The following TSR1 variants were observed in gnomAD, a reference collection of about 807,000 sequenced individuals.
TSR1 encodes TSR1 ribosome maturation factor.
A neutral mutation model predicts 90.9 loss-of-function variants in TSR1; 81 were observed. The observed-to-expected ratio is 0.89, with a 90% CI of 0.74 to 1.07. The LOEUF is 1.07. Ranked by LOEUF, TSR1 falls within the 50% of genes least tolerant of loss-of-function variation. The pLI is 0.00. For missense variants in TSR1, 989 were observed against 987.3 expected (o/e 1.00, Z -0.02); for synonymous variants, 362 against 348.8 (o/e 1.04, Z -0.42).
chr17:2,335,727 G>C lies in TSR1; in HGVS notation c.205C>G (p.Leu69Val), dbSNP rs758510384. The C allele has an allele frequency of 6.2e-7, 1 of 1,612,472 alleles. No individual in the cohort carries two copies. The highest frequency in any genetic ancestry group is 1.3e-5 in the African/African-American group (1 of 74,998). ...CCACCCAGCTGTCTCTTCTCTGCCAGAACCTGAAAATAGAAAGATATCCGA... is the reference window on the plus strand; with the variant it reads ...CCACCCAGCTGTCTCTTCTCTGCCACAACCTGAAAATAGAAAGATATCCGA... ...QLRKQKKEAVLAEKRQLGGKD... is the reference protein window; with the variant it reads ...QLRKQKKEAVVAEKRQLGGKD... Residue 69 changes from leucine (L) to valine (V), a missense_variant, in exon 3 of 15, where the codon CTG becomes GTG. Physicochemically the swap from Leu to Val is conservative, Grantham distance 32. Transcript: ENST00000301364.
At position 2,335,626 on chromosome 17, in the gene TSR1, C is replaced by T. The variant is rs755066590; in HGVS notation, c.306G>A (p.Leu102=). The change falls in exon 3 of 15, where the codon CTG becomes CTA. Residue 102 remains leucine (L), a synonymous_variant. Transcript: ENST00000301364. ...CTGTTCCAGTGTCCCTATCTTGAAG[C>T]AGCTGCATGGCCTCTGGCAGGGAAA... is the stretch of plus-strand genomic sequence containing the variant. ...SRISLPEAMQ[L]LQDRDTGTVH... is the part of the protein sequence containing the mutation. 1 of 1,614,070 alleles carries T rather than the reference C, an allele frequency of 6.2e-7. No homozygotes were observed. The highest frequency in any genetic ancestry group is 8.5e-7 in the Non-Finnish European group (1 of 1,180,036).
intron 10 of TSR1, 43 bp downstream of exon 10, chr17:2,330,472 A>C (rs769321235): frequency 6.4e-7 from 1 of 1,570,910 alleles, no homozygotes; most frequent in Non-Finnish European, 8.8e-7. Context: ...AAGCAGCTGG[A>C]AAGTTTCACA....
chr17:2,328,322 G>A (rs904128834), intron 11 of TSR1, among the ~76,000 whole-genome samples: 7 of 151,508 alleles, frequency 4.6e-5, no homozygotes, highest in Admixed American at 1.3e-4. Flanking sequence ...CGAGGTGGGC[G>A]GATCACCTGA....
chr17:2,328,869 T>C (rs1220919262), intron 11 of TSR1: 2 of 180,046 alleles, frequency 1.1e-5, no homozygotes, highest in Non-Finnish European at 2.0e-5. Context: ...GCAGTGAGCC[T>C]AGATCGCGCC....
chr17:2,325,758 AC>A (rs1567782036), intron 11 of TSR1, among the ~76,000 whole-genome samples: 3 of 151,790 alleles, frequency 2.0e-5, no homozygotes, highest in Non-Finnish European at 4.4e-5. Context: ...GATTACAGGC[AC>A]ATGCCACCAC....
rs2064035848 is a variant in TSR1, at chr17:2,334,725, T to C, written c.728A>G (p.His243Arg). ...LRQLANQKQQHLAFRDRRAYL... is the reference protein window; with the variant it reads ...LRQLANQKQQRLAFRDRRAYL... ...GGCCCGCCGATCTCGAAAAGCAAGA[T>C]GCTGTTGCTTCTGGTTAGCCAACTG... Residue 243 changes from histidine to arginine, a missense_variant, in exon 5 of 15, where the codon CAT becomes CGT. Transcript: ENST00000301364. The C allele has an allele frequency of 6.2e-7, 1 of 1,614,114 alleles. No individual in the cohort carries two copies. The highest frequency in any genetic ancestry group is 8.5e-7 in the Non-Finnish European group (1 of 1,180,048).
At position 2,324,589 on chromosome 17, in the gene TSR1, A is replaced by C; in HGVS notation, c.2162-11T>G. Reference sequence around the variant, plus strand: ...ACCACAGCACATCCTCTTAGAATCAAACACATTAAAGACCAAGATGAAACA... The same window carrying C: ...ACCACAGCACATCCTCTTAGAATCACACACATTAAAGACCAAGATGAAACA... On this transcript the variant is annotated splice_polypyrimidine_tract_variant and intron_variant, in intron 13 of 14. Transcript: ENST00000301364. The C allele has an allele frequency of 6.2e-7, 1 of 1,614,132 alleles. No homozygotes were observed. The highest frequency in any genetic ancestry group is 2.2e-5 in the East Asian group (1 of 44,882).
intron 7 of TSR1, among the ~76,000 whole-genome samples, 195 bp downstream of exon 7, chr17:2,332,766 G>A (rs1212966639): frequency 3.3e-5 from 5 of 152,040 alleles, no homozygotes; most frequent in Non-Finnish European, 7.4e-5. Flanking sequence ...GAACCCAGGA[G>A]GGAGAGCTTG....
chr17:2,324,095 G>A lies in TSR1; in HGVS notation c.*101C>T. The A allele has an allele frequency of 2.1e-6, 3 of 1,441,408 alleles. No homozygotes were observed. Among genetic ancestry groups the A allele is most frequent in the Non-Finnish European group, 2.8e-6 (3 of 1,075,244 alleles). 89.3% of individuals were successfully genotyped at this position (1,441,408 alleles called of 1,614,324 possible). On this transcript the variant is annotated 3_prime_UTR_variant, in exon 15 of 15. Transcript: ENST00000301364. ...GTCTTGCAAAATGGGGCAGTGGACT[G>A]ACAGGCTGACATAGAAAATAAACTT...
intron 5 of TSR1, 84 bp from the exon 6 acceptor site, chr17:2,333,800 T>G: frequency 6.5e-7 from 1 of 1,543,960 alleles, no homozygotes; most frequent in South Asian, 1.1e-5. Flanking sequence ...CCCAGAAATA[T>G]CAGTCCTCAT....
Position 2,325,556 on chromosome 17 carries a change from A to T in TSR1, c.1904-136T>A, listed in dbSNP as rs2075571452. 3 of 639,842 alleles carry T rather than the reference A, an allele frequency of 4.7e-6. No individual in the cohort carries two copies. In the East Asian group the frequency reaches 8.5e-5, roughly 18 times the overall value. 39.6% of individuals were successfully genotyped at this position (639,842 alleles called of 1,614,324 possible). On this transcript the variant is annotated intron_variant, in intron 11 of 14. Coordinates refer to ENST00000301364, the MANE Select transcript of TSR1 (RefSeq NM_018128.5). ...CTTCTCTAAACCACCAGTTCTCAAA[A>T]ATTTTCGCTGCCTCAATGCACCTAA...
rs374527867 is a variant in TSR1 at position 2,334,727 on chromosome 17, C to T, written c.726G>A (p.Gln242=). 44 of 1,614,118 alleles carry T rather than the reference C, an allele frequency of 2.7e-5. No individual in the cohort carries two copies. The highest frequency in any genetic ancestry group is 5.0e-5 in the Admixed American group (3 of 60,024). ...LLRQLANQKQ[Q]HLAFRDRRAY... is the part of the protein sequence containing the mutation. ...CCCGCCGATCTCGAAAAGCAAGATG[C>T]TGTTGCTTCTGGTTAGCCAACTGCC... is the stretch of plus-strand genomic sequence containing the variant. The change falls in exon 5 of 15, where the codon CAG becomes CAA. Residue 242 remains glutamine (Q), a synonymous_variant. Coordinates refer to ENST00000301364, the MANE Select transcript of TSR1 (RefSeq NM_018128.5).
chr17:2,336,274 G>A, intron 1 of TSR1, 57 bp downstream of exon 1: 1 of 1,610,346 alleles, frequency 6.2e-7, no homozygotes, highest in Non-Finnish European at 8.5e-7. Context: ...CTGGGCATGA[G>A]GAAAAAGAGT....
intron 2 of TSR1, 140 bp downstream of exon 2, chr17:2,335,897 G>T: frequency 8.3e-7 from 1 of 1,208,408 alleles, no homozygotes; most frequent in Non-Finnish European, 1.2e-6. Context: ...AGCAAAGAAT[G>T]CTAGACCTGC....
At position 2,334,890 on chromosome 17, in the gene TSR1, G is replaced by A; in HGVS notation, c.563C>T (p.Ala188Val). Residue 188 changes from alanine to valine, a missense_variant, in exon 5 of 15, where the codon GCT becomes GTT. Transcript: ENST00000301364. ...TGGGAGGCCAGAAATCCCCTGGACAGCTAGTGCTGTAAGCGAAAGAGAAAA... is the reference window on the plus strand; with the variant it reads ...TGGGAGGCCAGAAATCCCCTGGACAACTAGTGCTGTAAGCGAAAGAGAAAA... ...FAQGLPTYTL[A>V]VQGISGLPLK... 1.9e-6 allele frequency: 3 copies of A among 1,608,926 alleles called. No individual in the cohort carries two copies. Among genetic ancestry groups the A allele is most frequent in the Non-Finnish European group, 2.5e-6 (3 of 1,177,544 alleles).
chr17:2,333,297 T>TACA, intron 6 of TSR1, 173 bp from the exon 7 acceptor site: 1 of 877,048 alleles, frequency 1.1e-6, no homozygotes, highest in Non-Finnish European at 1.8e-6. Context: ...TAGCAATACT[T>TACA]ACACAGCTAA....
At chr17:2,331,461 C>G (rs377312591) in intron 8 of TSR1, among the ~76,000 whole-genome samples, 1 of 152,272 alleles carries the variant, frequency 6.6e-6, no homozygotes, top group East Asian at 1.9e-4. Context: ...AGTGGGTTAG[C>G]ACCACCCTCC....
Position 2,334,702 on chromosome 17 carries a change from C to A in TSR1, c.751G>T (p.Ala251Ser), listed in dbSNP as rs2064035376. Residue 251 changes from alanine to serine, a missense_variant, in exon 5 of 15, where the codon GCC becomes TCC. Physicochemically the swap from Ala to Ser is moderately conservative, Grantham distance 99. Transcript: ENST00000301364. Reference sequence around the variant, plus strand: ...TCAACAGCATGGGCAAATAGGTAGGCCCGCCGATCTCGAAAAGCAAGATGC... The same window carrying A: ...TCAACAGCATGGGCAAATAGGTAGGACCGCCGATCTCGAAAAGCAAGATGC... ...QQHLAFRDRR[A>S]YLFAHAVDFV... The A allele has an allele frequency of 6.2e-7, 1 of 1,613,580 alleles. No homozygotes were observed. Among genetic ancestry groups the A allele is most frequent in the African/African-American group, 1.3e-5 (1 of 75,024 alleles).
chr17:2,322,667 GTTTTT>G lies in TSR1; in HGVS notation c.*1524_*1528del, dbSNP rs1168184218. On this transcript the variant is annotated 3_prime_UTR_variant, in exon 15 of 15. Transcript: ENST00000301364. The stretch of plus-strand genomic sequence containing the variant: ...AGGTGCCTGCCACCATGCCTGGCTA[GTTTTT>G]TTTTGTTTTTTTTTTTTGTATTTTT... The G allele has an allele frequency of 2.2e-5, 2 of 90,874 alleles. No individual in the cohort carries two copies. Among genetic ancestry groups the G allele is most frequent in the African/African-American group, 4.0e-5 (1 of 24,988 alleles). The allele number at this position is 90,874 out of a possible 1,614,324, so 5.6% of individuals were successfully genotyped here. A position where few individuals can be genotyped will look rare whatever the true frequency, so the allele number is the denominator to read the frequency against.
Sources: gnomAD v4.1 joint callset for allele counts (sites outside exome capture counted in the v4.1 genomes callset) on GRCh38, gnomAD v4.1.1 for gene constraint, MANE v1.5 for transcripts, NCBI Gene and HGNC (gene_info 2026-07-23, HGNC 2026-07-21) for gene names.